SHMT1: variants seen among roughly 807,000 people sequenced by gnomAD.
SHMT1 encodes the protein serine hydroxymethyltransferase, cytosolic.
SHMT1 carries 45 observed loss-of-function variants against 49.0 expected under a neutral mutation model. The observed-to-expected ratio is 0.92, with a 90% CI of 0.72 to 1.18. The LOEUF (loss-of-function observed/expected upper bound fraction) is 1.18, where lower values mean the gene tolerates loss of function less well. SHMT1 is among the 50% of genes most tolerant of loss of function. SHMT1 has a pLI of 0.00. For synonymous variants in SHMT1, 232 were observed against 246.6 expected, an observed-to-expected ratio of 0.94 and a Z score of 0.55; for missense variants, 541 against 612.4, an observed-to-expected ratio of 0.88 and a Z score of 1.23.
Position 18,340,413 on chromosome 17 carries a change from G to C in SHMT1, c.602-158C>G. On this transcript the variant is annotated intron_variant, in intron 6 of 11. Coordinates refer to ENST00000316694, the MANE Select transcript of SHMT1 (RefSeq NM_004169.5). This position sits in a 1 kb window ranked among gnomAD's most constrained non-coding sequence, Gnocchi z 4.5. The stretch of plus-strand genomic sequence containing the variant: ...GAGAATGCCCTCAAAAAGCACCTCT[G>C]TGCTAAAGGCAACCACTCTAACTCT... The C allele has an allele frequency of 1.2e-6, 1 of 805,568 alleles. No individual in the cohort carries two copies. 49.9% of individuals were successfully genotyped at this position (805,568 alleles called of 1,614,324 possible). A position where few individuals can be genotyped will look rare whatever the true frequency, so the allele number is the denominator to read the frequency against.
intron 10 of SHMT1, among the ~76,000 whole-genome samples, chr17:18,330,290 C>G (rs1983054572): frequency 6.6e-6 from 1 of 152,168 alleles, no homozygotes; most frequent in Non-Finnish European, 1.5e-5. Flanking sequence ...CATGCACCAC[C>G]ATGCCCAGCT....
Position 18,355,890 on chromosome 17 carries a change from A to T in SHMT1, c.92T>A (p.Val31Asp). ...MLAQPLKDSD[V>D]EVYNIIKKES... ...TGAAGACCCCAAAAATCTCACCTCAACATCACTGTCTTTGAGGGGTTGTGC... is the reference window on the plus strand; with the variant it reads ...TGAAGACCCCAAAAATCTCACCTCATCATCACTGTCTTTGAGGGGTTGTGC... Residue 31 changes from valine to aspartate, a missense_variant, in exon 2 of 12, where the codon GTT (valine) becomes GAT (aspartate). Coordinates refer to ENST00000316694, the MANE Select transcript of SHMT1 (RefSeq NM_004169.5). 6.2e-7 allele frequency: 1 copy of T among 1,611,552 alleles called. No homozygotes were observed. Among genetic ancestry groups the T allele is most frequent in the Non-Finnish European group, 8.5e-7 (1 of 1,177,752 alleles).
rs761137967 is a variant in SHMT1, at chr17:18,330,604, C to A, written c.1122G>T (p.Glu374Asp). The A allele has an allele frequency of 6.2e-7, 1 of 1,614,204 alleles. No individual in the cohort carries two copies. The highest frequency in any genetic ancestry group is 1.1e-5 in the South Asian group (1 of 91,086). Residue 374 changes from glutamate to aspartate, a missense_variant, in exon 10 of 12, where the codon GAG becomes GAT. Coordinates refer to ENST00000316694, the MANE Select transcript of SHMT1 (RefSeq NM_004169.5). ...CAATAGAACAGGCTTCTAGCACCTT[C>A]TCAGCCCTTCCACCATCTGTGCCTT... ...RSKGTDGGRA[E>D]KVLEACSIAC...
At chr17:18,357,864 CTTTTTT>C (rs1165307729) in intron 1 of SHMT1, among the ~76,000 whole-genome samples, 1 of 121,468 alleles carries the variant, frequency 8.2e-6, no homozygotes, top group Non-Finnish European at 1.7e-5. Context: ...AGCTAGGACT[CTTTTTT>C]TTTTTTTTTT....
chr17:18,335,363 C>T (rs1983671251), intron 8 of SHMT1, among the ~76,000 whole-genome samples, 196 bp downstream of exon 8: 1 of 152,230 alleles, frequency 6.6e-6, no homozygotes, highest in South Asian at 2.1e-4. Flanking sequence ...TGGCCGTACA[C>T]GTGGAGTGGA....
intron 3 of SHMT1, among the ~76,000 whole-genome samples, chr17:18,352,731 G>A (rs1985847718): frequency 1.3e-5 from 2 of 151,672 alleles, no homozygotes; most frequent in African/African-American, 4.8e-5. Context: ...GAGGTGGGAG[G>A]ATGGCTTGGG....
intron 11 of SHMT1, 31 bp from the exon 12 acceptor site, chr17:18,328,950 A>AC (rs769082649): frequency 1.7e-5 from 28 of 1,612,956 alleles, no homozygotes; most frequent in Non-Finnish European, 2.4e-5. Flanking sequence ...GAGTCACCCC[A>AC]CACTACACAC....
intron 5 of SHMT1, among the ~76,000 whole-genome samples, chr17:18,344,430 A>G (rs1984858593): frequency 6.6e-6 from 1 of 151,890 alleles, no homozygotes; most frequent in Non-Finnish European, 1.5e-5. Context: ...TCTTAGGGAG[A>G]CAGAGGCAGT....
At position 18,338,500 on chromosome 17, in the gene SHMT1, G is replaced by T. The variant is rs552032773; in HGVS notation, c.814+1543C>A. 2.0e-5 allele frequency among the ~76,000 whole-genome samples: 3 copies of T among 152,230 alleles called. No individual in the cohort carries two copies. In the South Asian group the frequency reaches 6.2e-4, roughly 32 times the overall value. ...GGGAAGTGAGGAGCCCCTCTGCCCG[G>T]CCGCCCCTTCTGGGAAGTGAGGAGC... On this transcript the variant is annotated intron_variant, in intron 7 of 11. Coordinates refer to ENST00000316694, the MANE Select transcript of SHMT1 (RefSeq NM_004169.5).
At chr17:18,355,652 T>TC (rs55845680) in intron 2 of SHMT1, among the ~76,000 whole-genome samples, 16,615 of 152,186 alleles carry the variant, frequency 0.11, 1,018 homozygotes, top group South Asian at 0.18. Flanking sequence ...CAGTGATCTC[T>TC]CCCCTTCTCG....
intron 5 of SHMT1, among the ~76,000 whole-genome samples, chr17:18,347,137 C>T (rs746366515): frequency 6.6e-6 from 1 of 152,200 alleles, no homozygotes; most frequent in East Asian, 1.9e-4. Context: ...TGTCACCAGG[C>T]GAGGGCAGAG....
intron 3 of SHMT1, 132 bp from the exon 4 acceptor site, chr17:18,348,572 T>G: frequency 1.3e-6 from 1 of 764,070 alleles, no homozygotes; most frequent in Non-Finnish European, 2.4e-6. Flanking sequence ...CTTGTTAACA[T>G]GCAGATGCTG....
intron 1 of SHMT1, among the ~76,000 whole-genome samples, chr17:18,362,744 G>T (rs1346581472): frequency 6.6e-6 from 1 of 152,178 alleles, no homozygotes; most frequent in African/African-American, 2.4e-5. Context: ...TTAACTCCCG[G>T]AATCTCGAAG....
intron 10 of SHMT1, among the ~76,000 whole-genome samples, chr17:18,330,091 G>A (rs1983029123): frequency 1.3e-5 from 2 of 151,574 alleles, no homozygotes; most frequent in African/African-American, 2.4e-5. Flanking sequence ...CACCCACCTC[G>A]GCCTCCCAAA....
intron 11 of SHMT1, 130 bp downstream of exon 11, chr17:18,329,148 G>T: frequency 1.1e-6 from 1 of 887,386 alleles, no homozygotes; most frequent in South Asian, 1.4e-5. Context: ...TGTGTTTTTT[G>T]CTGTCTCCCA....
At chr17:18,346,365 T>A (rs1304383790) in intron 5 of SHMT1, among the ~76,000 whole-genome samples, 1 of 152,224 alleles carries the variant, frequency 6.6e-6, no homozygotes, top group Non-Finnish European at 1.5e-5. Flanking sequence ...CTTCCCATTA[T>A]CCTTCGTTTT....
intron 9 of SHMT1, 72 bp downstream of exon 9, chr17:18,333,094 T>C (rs753673320): frequency 5.7e-6 from 9 of 1,585,338 alleles, no homozygotes; most frequent in African/African-American, 1.3e-5. Context: ...CACATCCTGG[T>C]TGCACAAACT....
rs950985609 is a variant in SHMT1, at chr17:18,355,986, C to T, written c.-5G>A. On this transcript the variant is annotated 5_prime_UTR_variant, in exon 2 of 12. The change creates a new upstream start codon in the 5' untranslated region. Transcript: ENST00000316694. ...CCCGTTGACTGGCATCGTCATTGCA[C>T]TGGTTCGAAGCTGCCTAAAAAAATG... The T allele has an allele frequency of 1.2e-6, 2 of 1,605,064 alleles. No individual in the cohort carries two copies. The highest frequency in any genetic ancestry group is 1.7e-6 in the Non-Finnish European group (2 of 1,172,048).
In SHMT1 at chr17:18,328,853, T is replaced by C. The variant is rs1420880653; in HGVS notation, c.1349A>G (p.Glu450Gly). 1 of 1,613,876 alleles carries C rather than the reference T, an allele frequency of 6.2e-7. No homozygotes were observed. Among genetic ancestry groups the C allele is most frequent in the Admixed American group, 1.7e-5 (1 of 60,016 alleles). Residue 450 changes from glutamate to glycine, a missense_variant, in exon 12 of 12, where the codon GAG becomes GGG. Coordinates refer to ENST00000316694, the MANE Select transcript of SHMT1 (RefSeq NM_004169.5). ...GVRATLKEFK[E>G]RLAGDKYQAA... The stretch of plus-strand genomic sequence containing the variant: ...CTGGTACTTATCCCCTGCCAGTCTC[T>C]CCTTGAACTCTTTCAGGGTGGCTCT...
Sources: allele counts gnomAD v4.1 joint callset (sites outside exome capture counted in the v4.1 genomes callset), GRCh38; gene constraint gnomAD v4.1.1; non-coding constraint Gnocchi (gnomAD v3.1); transcripts MANE v1.5; gene names NCBI Gene and HGNC (gene_info 2026-07-23, HGNC 2026-07-21).